The following HPSE2 variants were observed in gnomAD, a reference collection of about 807,000 sequenced individuals.
The protein encoded by HPSE2 is inactive heparanase-2.
Under a neutral mutation model 60.5 loss-of-function variants are expected in HPSE2, and 38 were observed. The observed-to-expected ratio is 0.63, with a 90% CI of 0.48 to 0.82. The LOEUF is 0.82. HPSE2 is among the 40% of genes least tolerant of loss of function. HPSE2 has a pLI of 0.00. For synonymous variants in HPSE2, 295 were observed against 293.2 expected, an observed-to-expected ratio of 1.01 and a Z score of -0.06; for missense variants, 713 against 740.4, an observed-to-expected ratio of 0.96 and a Z score of 0.43.
intron 6 of HPSE2, among the ~76,000 whole-genome samples, chr10:98,651,222 T>C (rs997955908): frequency 6.6e-6 from 1 of 152,190 alleles, no homozygotes; most frequent in Non-Finnish European, 1.5e-5. Context: ...ATATAAAGCC[T>C]TTAAAGGCAT....
chr10:98,577,827 T>C (rs1476736596), intron 9 of HPSE2, among the ~76,000 whole-genome samples: 1 of 152,214 alleles, frequency 6.6e-6, no homozygotes, highest in Non-Finnish European at 1.5e-5. Context: ...ATAAAGTTTA[T>C]AAGTCCTGCA....
chr10:98,759,248 C>T (rs1290082162), intron 3 of HPSE2, among the ~76,000 whole-genome samples: 1 of 152,018 alleles, frequency 6.6e-6, no homozygotes, highest in African/African-American at 2.4e-5. Flanking sequence ...TGCTTATTAC[C>T]TGAGTGATGA....
intron 2 of HPSE2, among the ~76,000 whole-genome samples, chr10:99,151,789 A>G (rs748248000): frequency 3.3e-5 from 5 of 152,244 alleles, no homozygotes; most frequent in Middle Eastern, 3.4e-3. Flanking sequence ...GATGGCATGC[A>G]CTTATAATCC....
intron 6 of HPSE2, among the ~76,000 whole-genome samples, chr10:98,681,967 T>C (rs1341987588): frequency 6.6e-6 from 1 of 152,202 alleles, no homozygotes; most frequent in East Asian, 1.9e-4. Flanking sequence ...AATAAACCTA[T>C]TGTAAATTCA....
At position 98,593,812 on chromosome 10, in the gene HPSE2, A is replaced by T. The variant is rs1945156089; in HGVS notation, c.1320+21092T>A. Among the ~76,000 whole-genome samples, 6 of 152,322 alleles carry T rather than the reference A, an allele frequency of 3.9e-5. No homozygotes were observed. In the South Asian group the frequency reaches 1.2e-3, roughly 32 times the overall value. On this transcript the variant is annotated intron_variant, in intron 9 of 11. Transcript: ENST00000370552. ...ATATTAAGGATTTAAAAAACATAGT[A>T]TGAGATGTTTTAGTTCCTTCTTGGC...
chr10:98,485,329 C>A (rs1304000082), intron 10 of HPSE2, among the ~76,000 whole-genome samples: 1 of 152,118 alleles, frequency 6.6e-6, no homozygotes, highest in Non-Finnish European at 1.5e-5. Flanking sequence ...ATCCTGCTGG[C>A]TGTGCGTCAG....
At chr10:99,124,674 G>C (rs1234508901) in intron 3 of HPSE2, among the ~76,000 whole-genome samples, 2 of 152,228 alleles carry the variant, frequency 1.3e-5, no homozygotes, top group Non-Finnish European at 2.9e-5. Context: ...TCCAAAATTG[G>C]TGCAGGCACC....
chr10:98,482,676 A>G lies in HPSE2; in HGVS notation c.1573T>C (p.Tyr525His). 6.2e-7 allele frequency: 1 copy of G among 1,614,198 alleles called. No homozygotes were observed. The highest frequency in any genetic ancestry group is 8.5e-7 in the Non-Finnish European group (1 of 1,180,034). ...TCCTGCCCATAGGGCTGCAGCAGGT[A>G]CTGGTGAACCAGCTTGTCTCTGAGA... ...GTLRDKLVHQ[Y>H]LLQPYGQEGL... is the part of the protein sequence containing the mutation. The change falls in exon 11 of 12, where the codon TAC (tyrosine) becomes CAC (histidine). Residue 525 changes from tyrosine (Y) to histidine (H), a missense_variant. By Grantham distance (83) the Tyr-to-His change is moderately conservative. Transcript: ENST00000370552.
At chr10:99,159,100 T>TA in intron 2 of HPSE2, among the ~76,000 whole-genome samples, 1 of 151,504 alleles carries the variant, frequency 6.6e-6, no homozygotes. Context: ...AGTTCGCACT[T>TA]ACAAACTAGA....
At chr10:99,120,630 C>T (rs564411036) in intron 3 of HPSE2, among the ~76,000 whole-genome samples, 172 of 152,184 alleles carry the variant, frequency 1.1e-3, no homozygotes, top group Non-Finnish European at 2.1e-3. Context: ...TGTGCCACCA[C>T]GCCCAGCTAA....
intron 3 of HPSE2, among the ~76,000 whole-genome samples, chr10:98,906,168 C>A (rs904821442): frequency 6.6e-6 from 1 of 152,174 alleles, no homozygotes; most frequent in African/African-American, 2.4e-5. Flanking sequence ...CATCACAGAC[C>A]AATGTCTTCC....
intron 3 of HPSE2, among the ~76,000 whole-genome samples, chr10:98,952,911 T>C (rs376964820): frequency 1.3e-5 from 2 of 152,128 alleles, no homozygotes; most frequent in South Asian, 4.1e-4. Context: ...TCTCCAAATA[T>C]AGTCCACATT....
chr10:99,100,222 G>T (rs1040479167), intron 3 of HPSE2, among the ~76,000 whole-genome samples: 2 of 152,116 alleles, frequency 1.3e-5, no homozygotes, highest in Non-Finnish European at 2.9e-5. Context: ...CGAATCCATC[G>T]CAAAGAAGCT....
At chr10:98,992,208 T>C (rs1203429140) in intron 3 of HPSE2, among the ~76,000 whole-genome samples, 1 of 152,186 alleles carries the variant, frequency 6.6e-6, no homozygotes, top group East Asian at 1.9e-4. Flanking sequence ...AATACTTTAT[T>C]GTTCCCCTGG....
chr10:99,061,822 T>C (rs973406529), intron 3 of HPSE2, among the ~76,000 whole-genome samples: 1 of 152,246 alleles, frequency 6.6e-6, no homozygotes, highest in African/African-American at 2.4e-5. Context: ...TGAGATATTG[T>C]ACATAAAGTA....
intron 3 of HPSE2, among the ~76,000 whole-genome samples, chr10:98,935,325 T>TGCTGGAGAC (rs1954758076): frequency 7.0e-6 from 1 of 143,326 alleles, no homozygotes; most frequent in Non-Finnish European, 1.5e-5. Flanking sequence ...TCTGTGTCCT[T>TGCTGGAGAC]GCTGGAGACG....
intron 3 of HPSE2, among the ~76,000 whole-genome samples, chr10:98,911,556 C>CATG (rs766190726): frequency 2.0e-5 from 3 of 152,016 alleles, no homozygotes; most frequent in Non-Finnish European, 2.9e-5. Flanking sequence ...CATAATACCA[C>CATG]CACATTTGGT....
chr10:98,752,234 G>C (rs1949774866), intron 3 of HPSE2, among the ~76,000 whole-genome samples: 1 of 152,072 alleles, frequency 6.6e-6, no homozygotes, highest in Non-Finnish European at 1.5e-5. Context: ...CATTTTATAA[G>C]GAAAAAAGTC....
In HPSE2 at chr10:98,567,639, A is replaced by ACCTTTCC. The variant is rs563226510; in HGVS notation, c.1320+47264_1320+47265insGGAAAGG. 1.7e-3 allele frequency among the ~76,000 whole-genome samples: 253 copies of ACCTTTCC among 152,314 alleles called. 1 individual carries two copies. Among genetic ancestry groups the ACCTTTCC allele is most frequent in the African/African-American group, 5.9e-3 (246 of 41,574 alleles). ...TGTCATCACCTCCAGCTGACAGACC[A>ACCTTTCC]CAGGCAAAGGAGGCAACAGGGAAAA... is the stretch of plus-strand genomic sequence containing the variant. On this transcript the variant is annotated intron_variant, in intron 9 of 11. Transcript: ENST00000370552.
Sources: allele counts gnomAD v4.1 joint callset (sites outside exome capture counted in the v4.1 genomes callset), GRCh38; gene constraint gnomAD v4.1.1; transcripts MANE v1.5; gene names NCBI Gene and HGNC (gene_info 2026-07-23, HGNC 2026-07-21).